Variants in PDE8B observed in about 807,000 individuals in gnomAD.
PDE8B encodes phosphodiesterase 8B.
PDE8B carries 26 observed loss-of-function variants against 101.3 expected under a neutral mutation model. That is an observed-to-expected ratio of 0.26 (90% CI 0.19 to 0.36). The LOEUF is 0.36. Ranked by LOEUF, PDE8B falls within the 10% of genes least tolerant of loss-of-function variation. The pLI, the probability that PDE8B is intolerant of heterozygous loss-of-function variation, is 1.00. For missense variants in PDE8B, 810 were observed against 1,163.1 expected (o/e 0.70, Z 4.42); for synonymous variants, 424 against 429.3 (o/e 0.99, Z 0.15).
At chr5:77,287,629 A>C (rs778287993) in intron 1 of PDE8B, among the ~76,000 whole-genome samples, 9 of 151,952 alleles carry the variant, frequency 5.9e-5, no homozygotes, top group Non-Finnish European at 1.3e-4. Flanking sequence ...TGCCTCTCAC[A>C]TTCTTCTTAT....
At chr5:77,167,672 C>T in the PDE8B span, among the ~76,000 whole-genome samples, 23,067 of 152,052 alleles carry the variant, frequency 0.15, 2,496 homozygotes, top group East Asian at 0.36. Context: ...CTCAGGAAGT[C>T]TGGTGAAAAG....
intron 1 of PDE8B, among the ~76,000 whole-genome samples, chr5:77,277,223 A>G (rs1190580542): frequency 1.3e-5 from 2 of 152,230 alleles, no homozygotes; most frequent in Non-Finnish European, 2.9e-5. Context: ...AATCACCTGC[A>G]TACATTCTTT....
chr5:77,240,433 G>A (rs1580508492), intron 1 of PDE8B, among the ~76,000 whole-genome samples: 1 of 152,200 alleles, frequency 6.6e-6, no homozygotes, highest in Non-Finnish European at 1.5e-5. Context: ...GATTACAGGC[G>A]TGAGCCACCG....
At chr5:77,216,505 A>C (rs746102841) in intron 1 of PDE8B, among the ~76,000 whole-genome samples, 2 of 152,198 alleles carry the variant, frequency 1.3e-5, no homozygotes, top group African/African-American at 4.8e-5. Context: ...TAAGGGGGGA[A>C]CTGCCCCATG....
intron 16 of PDE8B, among the ~76,000 whole-genome samples, 158 bp from the exon 17 acceptor site, chr5:77,412,953 G>A (rs1221606798): frequency 6.6e-6 from 1 of 152,126 alleles, no homozygotes; most frequent in African/African-American, 2.4e-5. Context: ...GAGAAGGAGA[G>A]ATCCTACCTC....
chr5:77,093,576 T>C, the PDE8B span, among the ~76,000 whole-genome samples: 1 of 152,176 alleles, frequency 6.6e-6, no homozygotes, highest in Non-Finnish European at 1.5e-5. Flanking sequence ...GTGAGAATCG[T>C]GTGAGCTGAC....
intron 1 of PDE8B, among the ~76,000 whole-genome samples, chr5:77,264,493 T>C (rs1032527829): frequency 6.6e-6 from 1 of 152,234 alleles, no homozygotes; most frequent in Non-Finnish European, 1.5e-5. Context: ...TTATTAATTA[T>C]CCCAGGCATG....
At chr5:77,216,387 A>ATTTC (rs1317108400) in intron 1 of PDE8B, among the ~76,000 whole-genome samples, 1 of 152,202 alleles carries the variant, frequency 6.6e-6, no homozygotes, top group Non-Finnish European at 1.5e-5. Flanking sequence ...CCAAAGGCGA[A>ATTTC]AGGCATGTCT....
chr5:77,387,044 C>T lies in PDE8B; in HGVS notation c.1168-13204C>T, dbSNP rs548663499. The stretch of plus-strand genomic sequence containing the variant: ...GACTACAGGCGCCCGCCACCGCGCC[C>T]GGCTAATTTTTTGTATTTTTAGTAG... On this transcript the variant is annotated intron_variant, in intron 10 of 21. Coordinates refer to ENST00000264917, the MANE Select transcript of PDE8B (RefSeq NM_003719.5). 5.8e-3 allele frequency among the ~76,000 whole-genome samples: 873 copies of T among 150,040 alleles called. 3 individuals carry two copies. Among genetic ancestry groups the T allele is most frequent in the Non-Finnish European group, 7.5e-3 (507 of 67,486 alleles).
intron 1 of PDE8B, among the ~76,000 whole-genome samples, chr5:77,250,393 G>A (rs1006921068): frequency 2.6e-5 from 4 of 152,156 alleles, no homozygotes; most frequent in Non-Finnish European, 5.9e-5. Flanking sequence ...ATGATTCCAG[G>A]AAGGGATGAG....
In PDE8B at chr5:77,426,725, T is replaced by C. The variant is rs138040753; in HGVS notation, c.*171T>C. On this transcript the variant is annotated 3_prime_UTR_variant, in exon 22 of 22. Transcript: ENST00000264917. ...CCCAAATTTCATTCTTAGAAAGTTATGTTCCATGAAGAAAAATATATGTTC... is the reference window on the plus strand; with the variant it reads ...CCCAAATTTCATTCTTAGAAAGTTACGTTCCATGAAGAAAAATATATGTTC... The C allele has an allele frequency of 6.0e-4, 386 of 646,958 alleles. No individual in the cohort carries two copies. The African/African-American group carries it at 6.4e-3, about 11-fold the overall frequency. The allele number at this position is 646,958 out of a possible 1,614,324, so 40.1% of individuals were successfully genotyped here. A position where few individuals can be genotyped will look rare whatever the true frequency, so the allele number is the denominator to read the frequency against.
chr5:77,312,892 A>C (rs1196017388), intron 2 of PDE8B, among the ~76,000 whole-genome samples: 1 of 152,222 alleles, frequency 6.6e-6, no homozygotes, highest in Non-Finnish European at 1.5e-5. Context: ...GTCCAAGGAT[A>C]CAAGGCCCAA....
At chr5:77,302,680 C>T (rs1334836885) in intron 1 of PDE8B, among the ~76,000 whole-genome samples, 1 of 152,188 alleles carries the variant, frequency 6.6e-6, no homozygotes. Context: ...CTTTCTGGAA[C>T]AGTCTGAGAT....
chr5:77,239,866 T>G (rs887382607), intron 1 of PDE8B, among the ~76,000 whole-genome samples: 1 of 152,098 alleles, frequency 6.6e-6, no homozygotes, highest in Admixed American at 6.5e-5. Flanking sequence ...TAAAGCATGT[T>G]TGTTTATAGC....
chr5:77,116,950 C>G, the PDE8B span, among the ~76,000 whole-genome samples: 2 of 152,188 alleles, frequency 1.3e-5, no homozygotes, highest in Non-Finnish European at 2.9e-5. Context: ...AGTAAGTGCC[C>G]TTTCCCCCCA....
intron 1 of PDE8B, among the ~76,000 whole-genome samples, chr5:77,284,839 C>T (rs1371541644): frequency 6.6e-6 from 1 of 152,172 alleles, no homozygotes; most frequent in African/African-American, 2.4e-5. Context: ...TGTAGTCTTC[C>T]ATTATGTGAT....
intron 1 of PDE8B, among the ~76,000 whole-genome samples, chr5:77,310,220 G>A (rs1260250539): frequency 1.3e-5 from 2 of 152,174 alleles, no homozygotes; most frequent in Non-Finnish European, 2.9e-5. Context: ...CAAAGTGCTG[G>A]GATTACAGGC....
At chr5:77,093,483 A>T in the PDE8B span, among the ~76,000 whole-genome samples, 2 of 152,054 alleles carry the variant, frequency 1.3e-5, no homozygotes, top group African/African-American at 4.8e-5. Flanking sequence ...AACTTTGTTT[A>T]TTCTGCTCTT....
the PDE8B span, among the ~76,000 whole-genome samples, chr5:77,117,108 C>G: frequency 6.6e-6 from 1 of 152,176 alleles, no homozygotes; most frequent in African/African-American, 2.4e-5. Flanking sequence ...TAGAAATCAC[C>G]CTTCATCTAG....
Sources: allele counts gnomAD v4.1 joint callset (sites outside exome capture counted in the v4.1 genomes callset), GRCh38; gene constraint gnomAD v4.1.1; transcripts MANE v1.5; gene names NCBI Gene and HGNC (gene_info 2026-07-23, HGNC 2026-07-21).